KYAT3: variants seen among roughly 807,000 people sequenced by gnomAD.
KYAT3 encodes the protein kynurenine--oxoglutarate transaminase 3.
A neutral mutation model predicts 59.0 loss-of-function variants in KYAT3; 50 were observed. That is an observed-to-expected ratio of 0.85 (90% CI 0.68 to 1.07). The LOEUF (loss-of-function observed/expected upper bound fraction) is 1.07, where lower values mean the gene tolerates loss of function less well. Among genes scored for constraint, KYAT3 ranks in the 50% least tolerant of loss-of-function variants. The probability of loss-of-function intolerance (pLI) is 0.00; values close to 1 mark genes in which losing one functional copy is unlikely to be tolerated. For missense variants in KYAT3, 497 were observed against 533.3 expected, an observed-to-expected ratio of 0.93 and a Z score of 0.67; for synonymous variants, 148 against 177.0, an observed-to-expected ratio of 0.84 and a Z score of 1.30.
intron 2 of KYAT3, 115 bp from the exon 3 acceptor site, chr1:88,969,582 T>C: frequency 3.2e-6 from 2 of 625,616 alleles, no homozygotes; most frequent in East Asian, 2.9e-5. Context: ...AGTAGTTCCA[T>C]AAAGATAAAT....
chr1:88,962,632 A>G (rs1288330924), intron 5 of KYAT3, among the ~76,000 whole-genome samples: 1 of 152,168 alleles, frequency 6.6e-6, no homozygotes, highest in Non-Finnish European at 1.5e-5. Flanking sequence ...TCTTGAGAGT[A>G]AAGATGTTTC....
chr1:88,948,028 G>A (rs1182791425), intron 11 of KYAT3, among the ~76,000 whole-genome samples: 1 of 152,142 alleles, frequency 6.6e-6, no homozygotes, highest in African/African-American at 2.4e-5. Flanking sequence ...GGAGGCAGAG[G>A]TTGCAGTGAG....
chr1:88,969,464 T>C lies in KYAT3; in HGVS notation c.103A>G (p.Met35Val). The C allele has an allele frequency of 6.4e-7, 1 of 1,558,564 alleles. No individual in the cohort carries two copies. The highest frequency in any genetic ancestry group is 2.2e-5 in the East Asian group (1 of 44,552). Residue 35 changes from methionine (M) to valine (V), a missense_variant, in exon 3 of 14, where the codon ATG becomes GTG. Met to Val is a conservative substitution (Grantham distance 21). Transcript: ENST00000260508. ...TTTGCATTTGTGAATTTCAGTGACATTTTCTGAAATATATAAATATTGAAA... is the reference window on the plus strand; with the variant it reads ...TTTGCATTTGTGAATTTCAGTGACACTTTCTGAAATATATAAATATTGAAA... ...KILGFSTSAK[M>V]SLKFTNAKRI...
intron 3 of KYAT3, among the ~76,000 whole-genome samples, chr1:88,969,059 C>T (rs1308120694): frequency 6.6e-6 from 1 of 152,128 alleles, no homozygotes; most frequent in Non-Finnish European, 1.5e-5. Flanking sequence ...ATTTTAACCA[C>T]ATATATATAT....
chr1:88,991,028 G>C (rs1194914636), intron 1 of KYAT3, among the ~76,000 whole-genome samples: 1 of 152,172 alleles, frequency 6.6e-6, no homozygotes. Context: ...GAATCAGGAT[G>C]ATCTACGTGA....
At chr1:88,939,427 G>A (rs945955396) in intron 13 of KYAT3, among the ~76,000 whole-genome samples, 1 of 152,142 alleles carries the variant, frequency 6.6e-6, no homozygotes, top group Non-Finnish European at 1.5e-5. Context: ...GACTGCTGAT[G>A]TAAGAAGAGT....
chr1:88,961,664 A>T (rs1342212631), intron 6 of KYAT3, among the ~76,000 whole-genome samples, 158 bp from the exon 7 acceptor site: 2 of 152,206 alleles, frequency 1.3e-5, no homozygotes, highest in African/African-American at 4.8e-5. Flanking sequence ...GGAACAGAAA[A>T]AAAACTAGAA....
chr1:88,944,906 C>T (rs1363987926), intron 11 of KYAT3, among the ~76,000 whole-genome samples: 7 of 152,112 alleles, frequency 4.6e-5, no homozygotes, highest in South Asian at 2.1e-4. Context: ...TACAATGGCA[C>T]GATCTCGGCT....
At chr1:88,938,623 G>A (rs960357409) in intron 13 of KYAT3, among the ~76,000 whole-genome samples, 1 of 152,148 alleles carries the variant, frequency 6.6e-6, no homozygotes, top group Non-Finnish European at 1.5e-5. Context: ...ACTTATAAGA[G>A]AGAACATGTG....
rs183790894 is a variant in KYAT3, at chr1:88,991,439, C to A, written c.-2+1146G>T. Among the ~76,000 whole-genome samples the A allele has an allele frequency of 3.8e-3, 576 of 152,318 alleles. 7 individuals are homozygous for A. The highest frequency in any genetic ancestry group is 0.031 in the Admixed American group (468 of 15,310). The stretch of plus-strand genomic sequence containing the variant: ...TAATAATGCGCCGCCCACACTGTTA[C>A]AAGAGTCCGACCACTGTAAAGATGA... On this transcript the variant is annotated intron_variant, in intron 1 of 13. Coordinates refer to ENST00000260508, the MANE Select transcript of KYAT3 (RefSeq NM_001008661.3).
chr1:88,980,265 T>C (rs1677016592), intron 2 of KYAT3: 1 of 152,626 alleles, frequency 6.6e-6, no homozygotes, highest in Admixed American at 6.5e-5. Flanking sequence ...AAAATAACCA[T>C]TGAGTTGTAA....
chr1:88,939,021 C>T (rs1260536931), intron 13 of KYAT3, among the ~76,000 whole-genome samples: 1 of 152,148 alleles, frequency 6.6e-6, no homozygotes, highest in Non-Finnish European at 1.5e-5. Context: ...TTCAAACTAA[C>T]CACCATAGAG....
At chr1:88,992,906 G>C, upstream of KYAT3, 1 of 152,452 alleles carries the variant, frequency 6.6e-6, no homozygotes, top group Non-Finnish European at 1.5e-5. Flanking sequence ...TGACGGTGGG[G>C]TCCGCCGCGA....
intron 13 of KYAT3, among the ~76,000 whole-genome samples, chr1:88,940,997 G>A (rs1675214344): frequency 6.6e-6 from 1 of 152,154 alleles, no homozygotes. Context: ...TAAACACTGG[G>A]GAATTTGTTT....
At chr1:88,952,368 A>AGCTGGG (rs1409418044) in intron 10 of KYAT3, among the ~76,000 whole-genome samples, 1 of 152,156 alleles carries the variant, frequency 6.6e-6, no homozygotes, top group Non-Finnish European at 1.5e-5. Context: ...GTCCAGTTGT[A>AGCTGGG]ATCCTCAATG....
At chr1:88,950,404 C>T (rs1675621628) in intron 10 of KYAT3, among the ~76,000 whole-genome samples, 1 of 152,024 alleles carries the variant, frequency 6.6e-6, no homozygotes, top group Non-Finnish European at 1.5e-5. Context: ...TTTCCTGGAA[C>T]CAAACATGGT....
At chr1:88,966,373 T>C (rs976712158) in intron 4 of KYAT3, among the ~76,000 whole-genome samples, 8 of 152,180 alleles carry the variant, frequency 5.3e-5, no homozygotes, top group Non-Finnish European at 1.2e-4. Context: ...TCATTCCCAA[T>C]TTATTTAGGT....
chr1:88,925,283 G>A, the KYAT3 span, among the ~76,000 whole-genome samples: 226 of 151,666 alleles, frequency 1.5e-3, 3 homozygotes, highest in East Asian at 0.041. Flanking sequence ...CTCTACAGTC[G>A]CCCATGCGTG....
At chr1:88,983,224 A>G (rs1454002085) in intron 2 of KYAT3, 1 of 1,613,140 alleles carries the variant, frequency 6.2e-7, no homozygotes, top group African/African-American at 1.3e-5. Context: ...CATCTCTACG[A>G]GAGGGGAGCG....
Sources: gnomAD v4.1 joint callset for allele counts (sites outside exome capture counted in the v4.1 genomes callset) on GRCh38, gnomAD v4.1.1 for gene constraint, MANE v1.5 for transcripts, NCBI Gene and HGNC (gene_info 2026-07-23, HGNC 2026-07-21) for gene names.